Variants in LRRFIP2 observed in about 807,000 individuals in gnomAD.
LRRFIP2 encodes LRR binding FLII interacting protein 2, also known as leucine-rich repeat flightless-interacting protein 2.
LRRFIP2 carries 109 observed loss-of-function variants against 125.9 expected under a neutral mutation model. That is an observed-to-expected ratio of 0.87 (90% CI 0.74 to 1.01). The LOEUF is 1.01. LRRFIP2 is among the 50% of genes least tolerant of loss of function. The pLI is 0.00. For synonymous variants in LRRFIP2, 291 were observed against 293.1 expected (o/e 0.99, Z 0.07); for missense variants, 850 against 862.3 (o/e 0.99, Z 0.18).
intron 1 of LRRFIP2, among the ~76,000 whole-genome samples, chr3:37,158,383 G>A (rs1445808643): frequency 6.6e-6 from 1 of 152,068 alleles, no homozygotes; most frequent in East Asian, 1.9e-4. Flanking sequence ...AAGGCAGGTG[G>A]ATCGCTTGAG....
chr3:37,126,896 C>T (rs1040058895), intron 4 of LRRFIP2, among the ~76,000 whole-genome samples: 1 of 150,410 alleles, frequency 6.6e-6, no homozygotes, highest in African/African-American at 2.5e-5. Context: ...AAGAAAGTTG[C>T]TTGTTTAGCA....
Position 37,074,612 on chromosome 3 carries a change from T to A in LRRFIP2, c.1371+412A>T, listed in dbSNP as rs557722678. On this transcript the variant is annotated intron_variant, in intron 20 of 27. Transcript: ENST00000336686. The stretch of plus-strand genomic sequence containing the variant: ...TTTACCTTTTTGTACAGAACGTATC[T>A]TGATGTTTCTTCTTTTTTCATTTAG... Among the ~76,000 whole-genome samples, 4 of 152,322 alleles carry A rather than the reference T, an allele frequency of 2.6e-5. No homozygotes were observed. In the South Asian group the frequency reaches 6.2e-4, roughly 24 times the overall value.
At chr3:37,092,180 T>C (rs1440283630) in intron 17 of LRRFIP2, among the ~76,000 whole-genome samples, 3 of 152,196 alleles carry the variant, frequency 2.0e-5, no homozygotes, top group Non-Finnish European at 4.4e-5. Context: ...CTATAATCCT[T>C]ATAAGAAAAG....
intron 2 of LRRFIP2, 118 bp from the exon 3 acceptor site, chr3:37,129,267 T>A: frequency 1.3e-6 from 1 of 751,564 alleles, no homozygotes; most frequent in South Asian, 1.6e-5. Flanking sequence ...GAGAAGATAT[T>A]ATCTATCAGC....
chr3:37,094,735 G>A (rs2093636545), intron 17 of LRRFIP2, 57 bp downstream of exon 17: 1 of 1,045,656 alleles, frequency 9.6e-7, no homozygotes, highest in Admixed American at 1.7e-5. Flanking sequence ...AAAAGTTCCA[G>A]TATATTACCA....
intron 2 of LRRFIP2, among the ~76,000 whole-genome samples, chr3:37,137,266 C>T (rs898478052): frequency 1.3e-5 from 2 of 152,078 alleles, no homozygotes; most frequent in Non-Finnish European, 2.9e-5. Context: ...GTGTGAGCCA[C>T]CACACCTGGC....
At chr3:37,056,750 T>C (rs2087004809) in intron 25 of LRRFIP2, among the ~76,000 whole-genome samples, 2 of 152,148 alleles carry the variant, frequency 1.3e-5, no homozygotes, top group Non-Finnish European at 2.9e-5. Context: ...ACAATTACTG[T>C]CACCTTAAAA....
chr3:37,062,953 A>T (rs2089187721), intron 24 of LRRFIP2, among the ~76,000 whole-genome samples: 1 of 152,210 alleles, frequency 6.6e-6, no homozygotes, highest in Admixed American at 6.5e-5. Flanking sequence ...GGGTGACCAC[A>T]TCTATGTACC....
chr3:37,137,621 A>T (rs2095590781), intron 2 of LRRFIP2, among the ~76,000 whole-genome samples: 1 of 152,114 alleles, frequency 6.6e-6, no homozygotes, highest in Non-Finnish European at 1.5e-5. Flanking sequence ...CTAATAACCA[A>T]ATGTAGATAA....
intron 4 of LRRFIP2, among the ~76,000 whole-genome samples, chr3:37,127,405 G>T (rs2095311208): frequency 6.6e-6 from 1 of 152,114 alleles, no homozygotes; most frequent in South Asian, 2.1e-4. Flanking sequence ...ACTCTTTCTT[G>T]ATCAGGAGCA....
chr3:37,155,737 A>T (rs1043312410), intron 1 of LRRFIP2, among the ~76,000 whole-genome samples: 2 of 152,242 alleles, frequency 1.3e-5, no homozygotes, highest in Non-Finnish European at 2.9e-5. Context: ...AATCATGTGC[A>T]TGCTAAAATA....
chr3:37,121,433 A>C (rs767323800), intron 6 of LRRFIP2, 59 bp downstream of exon 6: 2 of 1,489,270 alleles, frequency 1.3e-6, no homozygotes, highest in African/African-American at 2.8e-5. Flanking sequence ...TTTAGGCAAC[A>C]TTATTGAAGA....
intron 25 of LRRFIP2, among the ~76,000 whole-genome samples, chr3:37,058,215 T>C (rs2087473291): frequency 6.6e-6 from 1 of 152,162 alleles, no homozygotes; most frequent in Non-Finnish European, 1.5e-5. Flanking sequence ...GTGCAAAAAG[T>C]TCCTAGAAAT....
At chr3:37,078,594 A>C (rs2092343572) in intron 19 of LRRFIP2, among the ~76,000 whole-genome samples, 2 of 152,168 alleles carry the variant, frequency 1.3e-5, no homozygotes, top group Non-Finnish European at 1.5e-5. Context: ...AAGAACTCAT[A>C]ATGTATTTTG....
intron 2 of LRRFIP2, among the ~76,000 whole-genome samples, chr3:37,137,878 G>A (rs2095597735): frequency 6.6e-6 from 1 of 152,130 alleles, no homozygotes; most frequent in Admixed American, 6.5e-5. Flanking sequence ...TGTCACTCTT[G>A]TTCAAACCCA....
chr3:37,152,762 T>C (rs531871162), intron 1 of LRRFIP2, among the ~76,000 whole-genome samples: 8 of 152,098 alleles, frequency 5.3e-5, no homozygotes, highest in Non-Finnish European at 8.8e-5. Context: ...AAAAAAATGG[T>C]AGTGGTGCAT....
In LRRFIP2 at chr3:37,102,959, C is replaced by G; in HGVS notation, c.838G>C (p.Glu280Gln). 1 of 1,565,782 alleles carries G rather than the reference C, an allele frequency of 6.4e-7. No homozygotes were observed. The highest frequency in any genetic ancestry group is 8.7e-7 in the Non-Finnish European group (1 of 1,153,362). Reference protein sequence around the residue: ...RSNRRGSVVSEVDDISIPDLS... With the variant: ...RSNRRGSVVSQVDDISIPDLS... ...TCTGGGATACTGATATCATCCACCT[C>G]AGAGACAACACTTCCCCTACGATTG... The change falls in exon 15 of 28, where the codon GAG becomes CAG. Residue 280 changes from glutamate (E) to glutamine (Q), a missense_variant. Coordinates refer to ENST00000336686, the MANE Select transcript of LRRFIP2 (RefSeq NM_006309.4).
intron 21 of LRRFIP2, among the ~76,000 whole-genome samples, chr3:37,069,539 G>A (rs1364036949): frequency 1.4e-4 from 21 of 152,166 alleles, no homozygotes; most frequent in Admixed American, 1.4e-3. Flanking sequence ...AATGGTAGTT[G>A]CCATTCCACC....
At chr3:37,138,864 T>A (rs1214429145) in intron 2 of LRRFIP2, among the ~76,000 whole-genome samples, 1 of 152,222 alleles carries the variant, frequency 6.6e-6, no homozygotes, top group Non-Finnish European at 1.5e-5. Flanking sequence ...GTTGAGAACT[T>A]TCACCTTTTC....
Sources: gnomAD v4.1 joint callset for allele counts (sites outside exome capture counted in the v4.1 genomes callset) on GRCh38, gnomAD v4.1.1 for gene constraint, MANE v1.5 for transcripts, NCBI Gene and HGNC (gene_info 2026-07-23, HGNC 2026-07-21) for gene names.